The following YWHAE variants were observed in gnomAD, a reference collection of about 807,000 sequenced individuals.
The protein encoded by YWHAE is 14-3-3 protein epsilon.
In YWHAE, 4 loss-of-function variants were observed where a neutral mutation model predicts 30.1. The observed-to-expected ratio is 0.13, with a 90% CI of 0.07 to 0.30. The LOEUF (loss-of-function observed/expected upper bound fraction) is 0.30, where lower values mean the gene tolerates loss of function less well. Among genes scored for constraint, YWHAE ranks in the 10% least tolerant of loss-of-function variants. YWHAE has a pLI of 1.00. For synonymous variants in YWHAE, 118 were observed against 111.8 expected (o/e 1.06, Z -0.35); for missense variants, 121 against 315.9 (o/e 0.38, Z 4.68).
At chr17:1,371,964 G>A (rs1012701952) in intron 1 of YWHAE, among the ~76,000 whole-genome samples, 1 of 151,390 alleles carries the variant, frequency 6.6e-6, no homozygotes, top group Admixed American at 6.6e-5. Flanking sequence ...TCAACTTCCC[G>A]AGTAGCTGGG....
intron 1 of YWHAE, among the ~76,000 whole-genome samples, chr17:1,395,508 G>A (rs1189794376): frequency 1.3e-5 from 2 of 152,096 alleles, no homozygotes; most frequent in African/African-American, 2.4e-5. Context: ...CAGCCTGGGG[G>A]ACAGAGCCCA....
At chr17:1,381,028 G>T (rs9912147) in intron 1 of YWHAE, among the ~76,000 whole-genome samples, 3 of 152,006 alleles carry the variant, frequency 2.0e-5, no homozygotes, top group African/African-American at 7.2e-5. Context: ...TATAAGTAAC[G>T]ATTTTATTAC....
At chr17:1,359,220 T>TC (rs1273273351) in intron 4 of YWHAE, among the ~76,000 whole-genome samples, 1 of 151,388 alleles carries the variant, frequency 6.6e-6, no homozygotes, top group Non-Finnish European at 1.5e-5. Context: ...CTTGGAAGGC[T>TC]CAGGTAGGCG....
At chr17:1,378,673 G>C (rs145966717) in intron 1 of YWHAE, among the ~76,000 whole-genome samples, 2 of 152,186 alleles carry the variant, frequency 1.3e-5, no homozygotes, top group East Asian at 3.9e-4. Context: ...GGCCAGGCAC[G>C]GCGGCTCACG....
Position 1,362,003 on chromosome 17 carries a change from C to A in YWHAE, c.270G>T (p.Glu90Asp). 1 of 1,555,592 alleles carries A rather than the reference C, an allele frequency of 6.4e-7. No homozygotes were observed. The highest frequency in any genetic ancestry group is 8.6e-7 in the Non-Finnish European group (1 of 1,161,036). ...KMIREYRQMV[E>D]TELKLICCDI... ...CACAACAGATTAACTTTAGCTCAGT[C>A]TCAACCTAAAAAAAAAAAAATTTTT... is the stretch of plus-strand genomic sequence containing the variant. The change falls in exon 3 of 6, where the codon GAG (glutamate) becomes GAT (aspartate). Residue 90 changes from glutamate (E) to aspartate (D), a missense_variant. This residue lies in a region of YWHAE where 99 missense variants were observed against 289.3 expected (regional missense o/e 0.34). Coordinates refer to ENST00000264335, the MANE Select transcript of YWHAE (RefSeq NM_006761.5).
At chr17:1,365,556 G>T (rs114885181) in intron 1 of YWHAE, among the ~76,000 whole-genome samples, 1 of 152,194 alleles carries the variant, frequency 6.6e-6, no homozygotes, top group East Asian at 1.9e-4. Context: ...ATCCTTCCTC[G>T]TATGAAGCTC....
At chr17:1,357,656 T>C (rs941039483) in intron 4 of YWHAE, among the ~76,000 whole-genome samples, 9 of 152,066 alleles carry the variant, frequency 5.9e-5, no homozygotes, top group Admixed American at 5.9e-4. Flanking sequence ...CTGGGTGCAG[T>C]GGCTCACGCC....
At chr17:1,368,806 G>A (rs536502215) in intron 1 of YWHAE, among the ~76,000 whole-genome samples, 13 of 152,086 alleles carry the variant, frequency 8.5e-5, no homozygotes, top group South Asian at 2.1e-4. Context: ...TAAACTGATC[G>A]CAAAGTAAAT....
intron 4 of YWHAE, among the ~76,000 whole-genome samples, chr17:1,357,914 G>A (rs565913017): frequency 6.6e-6 from 1 of 150,784 alleles, no homozygotes; most frequent in Non-Finnish European, 1.5e-5. Context: ...GAAACACAGC[G>A]AGACTCTCCT....
intron 1 of YWHAE, among the ~76,000 whole-genome samples, chr17:1,392,774 C>T (rs1463868438): frequency 6.6e-6 from 1 of 151,670 alleles, no homozygotes; most frequent in Admixed American, 6.6e-5. Context: ...CACTTGAGCC[C>T]AGGAGGCGGA....
rs1491196737 is a variant in YWHAE at position 1,388,117 on chromosome 17, G to GTTTTTTTTTT, written c.64+11929_64+11930insAAAAAAAAAA. 2.5e-4 allele frequency among the ~76,000 whole-genome samples: 16 copies of GTTTTTTTTTT among 65,104 alleles called. 1 individual carries two copies. Among genetic ancestry groups the GTTTTTTTTTT allele is most frequent in the Admixed American group, 1.3e-3 (5 of 3,918 alleles). The allele number at this position is 65,104 out of a possible 152,430, so 42.7% of individuals were successfully genotyped here. A position where few individuals can be genotyped will look rare whatever the true frequency, so the allele number is the denominator to read the frequency against. On this transcript the variant is annotated intron_variant, in intron 1 of 5. Transcript: ENST00000264335. Reference sequence around the variant, plus strand: ...GTAATTTTTGTTTTTTTTTTTGGTTGGTTTTTTTTTTTTTTTTTTTTTTTT... The same window carrying GTTTTTTTTTT: ...GTAATTTTTGTTTTTTTTTTTGGTTGTTTTTTTTTTGTTTTTTTTTTTTTTTTTTTTTTTT...
intron 1 of YWHAE, among the ~76,000 whole-genome samples, chr17:1,378,745 G>C (rs575054125): frequency 6.6e-6 from 1 of 152,274 alleles, no homozygotes; most frequent in South Asian, 2.1e-4. Flanking sequence ...AGGAGTTCAG[G>C]ACCGGCCTTG....
intron 2 of YWHAE, 105 bp downstream of exon 2, chr17:1,364,754 C>A: frequency 7.7e-7 from 1 of 1,294,318 alleles, no homozygotes; most frequent in Non-Finnish European, 1.1e-6. Flanking sequence ...TACTGTAATA[C>A]AAGTTATATG....
chr17:1,370,381 T>C (rs1052371647), intron 1 of YWHAE, among the ~76,000 whole-genome samples: 4 of 152,078 alleles, frequency 2.6e-5, no homozygotes, highest in Admixed American at 2.6e-4. Flanking sequence ...TCCGCCCGCC[T>C]TGGCCTCCCA....
intron 4 of YWHAE, among the ~76,000 whole-genome samples, chr17:1,357,113 CA>C (rs2072760630): frequency 6.8e-6 from 1 of 147,660 alleles, no homozygotes; most frequent in South Asian, 2.2e-4. Flanking sequence ...ATTAAAAATA[CA>C]AAAAATAGGC....
Position 1,362,006 on chromosome 17 carries a change from A to C in YWHAE, c.267T>G (p.Val89=). The C allele has an allele frequency of 6.4e-7, 1 of 1,550,480 alleles. No homozygotes were observed. Among genetic ancestry groups the C allele is most frequent in the African/African-American group, 1.5e-5 (1 of 67,182 alleles). The change falls in exon 3 of 6, where the codon GTT becomes GTG. Residue 89 remains valine, a splice_region_variant and synonymous_variant. Transcript: ENST00000264335. ...AACAGATTAACTTTAGCTCAGTCTCAACCTAAAAAAAAAAAAATTTTTTTT... is the reference window on the plus strand; with the variant it reads ...AACAGATTAACTTTAGCTCAGTCTCCACCTAAAAAAAAAAAAATTTTTTTT... ...LKMIREYRQM[V]ETELKLICCD... is the part of the protein sequence containing the mutation.
intron 1 of YWHAE, among the ~76,000 whole-genome samples, chr17:1,369,528 T>C (rs1316878366): frequency 6.6e-6 from 1 of 152,160 alleles, no homozygotes; most frequent in Non-Finnish European, 1.5e-5. Flanking sequence ...TCAATGGTTT[T>C]TAGTATATTC....
intron 1 of YWHAE, among the ~76,000 whole-genome samples, chr17:1,388,520 T>C (rs1598269352): frequency 6.9e-6 from 1 of 145,440 alleles, no homozygotes; most frequent in East Asian, 2.0e-4. Context: ...CAAGACTCTG[T>C]CTCAAAAAAA....
At chr17:1,357,676 G>A (rs550210310) in intron 4 of YWHAE, among the ~76,000 whole-genome samples, 25 of 150,674 alleles carry the variant, frequency 1.7e-4, no homozygotes, top group Middle Eastern at 3.5e-3. Flanking sequence ...CTGTAATCTC[G>A]GCACTTTGGG....
Sources: gnomAD v4.1 joint callset for allele counts (sites outside exome capture counted in the v4.1 genomes callset) on GRCh38, gnomAD v4.1.1 for gene constraint, gnomAD v4.1.1 regional missense constraint, MANE v1.5 for transcripts, NCBI Gene and HGNC (gene_info 2026-07-23, HGNC 2026-07-21) for gene names.